BAG4: variants seen among roughly 807,000 people sequenced by gnomAD.
BAG4 encodes the protein BAG family molecular chaperone regulator 4.
In BAG4, 28 loss-of-function variants were observed where a neutral mutation model predicts 52.1. The ratio of observed to expected loss-of-function variants is 0.54; its 90% CI spans 0.40 to 0.74. BAG4 has a LOEUF of 0.74. Ranked by LOEUF, BAG4 falls within the 30% of genes least tolerant of loss-of-function variation. The pLI is 0.00. For synonymous variants in BAG4, 208 were observed against 217.0 expected, an observed-to-expected ratio of 0.96 and a Z score of 0.37; for missense variants, 525 against 572.0, an observed-to-expected ratio of 0.92 and a Z score of 0.84.
intron 2 of BAG4, among the ~76,000 whole-genome samples, chr8:38,203,281 A>T (rs1803711951): frequency 1.6e-5 from 2 of 123,502 alleles, no homozygotes; most frequent in African/African-American, 6.0e-5. Flanking sequence ...GTCTTGAGGA[A>T]TTTTTTTTTT....
intron 1 of BAG4, among the ~76,000 whole-genome samples, chr8:38,190,189 C>G (rs997282076): frequency 5.3e-5 from 8 of 152,126 alleles, no homozygotes; most frequent in African/African-American, 1.9e-4. Context: ...TTTCCTTGTC[C>G]TCGTGACAAT....
In BAG4 at chr8:38,207,893, T is replaced by C. The variant is rs1048402448; in HGVS notation, c.633+127T>C. Reference sequence around the variant, plus strand: ...TTCTAGATTGGGAAGGCTTTTATATTGATGCCTTTCTTATTTGTGGCAGCT... The same window carrying C: ...TTCTAGATTGGGAAGGCTTTTATATCGATGCCTTTCTTATTTGTGGCAGCT... On this transcript the variant is annotated intron_variant, in intron 3 of 4. Coordinates refer to ENST00000287322, the MANE Select transcript of BAG4 (RefSeq NM_004874.4). 1.1e-5 allele frequency: 13 copies of C among 1,166,066 alleles called. No homozygotes were observed. In the East Asian group the frequency reaches 2.6e-4, roughly 23 times the overall value. 72.2% of individuals were successfully genotyped at this position (1,166,066 alleles called of 1,614,324 possible). A position where few individuals can be genotyped will look rare whatever the true frequency, so the allele number is the denominator to read the frequency against.
At chr8:38,188,677 GTATACATATATACATGTATACATATA>G (rs1364137562) in intron 1 of BAG4, among the ~76,000 whole-genome samples, 15 of 141,760 alleles carry the variant, frequency 1.1e-4, no homozygotes, top group Non-Finnish European at 2.1e-4. Flanking sequence ...ACATATACAT[GTATACATATATACATGTATACATATA>G]TATGTATATA....
chr8:38,208,151 AT>A (rs1487977221), intron 3 of BAG4, among the ~76,000 whole-genome samples: 1 of 144,116 alleles, frequency 6.9e-6, no homozygotes, highest in East Asian at 2.1e-4. Flanking sequence ...TCATTTTTGT[AT>A]TTTTAGTAGA....
intron 1 of BAG4, among the ~76,000 whole-genome samples, chr8:38,178,627 A>C (rs1349687051): frequency 6.6e-6 from 1 of 152,242 alleles, no homozygotes; most frequent in Non-Finnish European, 1.5e-5. Context: ...TGGCCTTAGA[A>C]AGGAATGAAC....
In BAG4 at chr8:38,176,867, C is replaced by G; in HGVS notation, c.-3C>G. ...CGGGAAGCGCTTCAGGGCAGCGGATCCCATGTCGGCCCTGAGGCGCTCGGG... is the reference window on the plus strand; with the variant it reads ...CGGGAAGCGCTTCAGGGCAGCGGATGCCATGTCGGCCCTGAGGCGCTCGGG... On this transcript the variant is annotated 5_prime_UTR_variant, in exon 1 of 5. The change creates a new upstream start codon in the 5' untranslated region. Transcript: ENST00000287322. 1.3e-6 allele frequency: 2 copies of G among 1,504,146 alleles called. No individual in the cohort carries two copies. The highest frequency in any genetic ancestry group is 1.8e-6 in the Non-Finnish European group (2 of 1,124,580). 93.2% of individuals were successfully genotyped at this position (1,504,146 alleles called of 1,614,324 possible). A position where few individuals can be genotyped will look rare whatever the true frequency, so the allele number is the denominator to read the frequency against.
At chr8:38,181,010 G>C (rs1381283274) in intron 1 of BAG4, among the ~76,000 whole-genome samples, 1 of 149,096 alleles carries the variant, frequency 6.7e-6, no homozygotes, top group Non-Finnish European at 1.5e-5. Flanking sequence ...GCCTGATCTC[G>C]GCTCACCGCA....
intron 2 of BAG4, among the ~76,000 whole-genome samples, chr8:38,206,947 ATTTTT>A (rs11352165): frequency 1.6e-4 from 18 of 111,052 alleles, no homozygotes; most frequent in Non-Finnish European, 3.1e-4. Flanking sequence ...GGCCTAGATA[ATTTTT>A]TTTTTTTTTT....
Position 38,210,320 on chromosome 8 carries a change from G to T in BAG4, c.1201G>T (p.Val401Leu). The T allele has an allele frequency of 6.2e-7, 1 of 1,614,072 alleles. No individual in the cohort carries two copies. The highest frequency in any genetic ancestry group is 8.5e-7 in the Non-Finnish European group (1 of 1,180,026). ...TCTTGAACAAGAAGTAGAAGAATTT[G>T]TAGGAAAAAAGACAGACAAAGCATA... ...QYLEQEVEEF[V>L]GKKTDKAYWL... Residue 401 changes from valine to leucine, a missense_variant, in exon 5 of 5, where the codon GTA becomes TTA. Physicochemically the swap from Val to Leu is conservative, Grantham distance 32. Transcript: ENST00000287322.
intron 1 of BAG4, among the ~76,000 whole-genome samples, chr8:38,192,447 T>C (rs956982651): frequency 1.3e-5 from 2 of 152,172 alleles, no homozygotes; most frequent in East Asian, 3.8e-4. Context: ...TTTTCTTTTA[T>C]TTTTTGTTTT....
At chr8:38,189,179 A>G (rs1803425676) in intron 1 of BAG4, among the ~76,000 whole-genome samples, 1 of 152,014 alleles carries the variant, frequency 6.6e-6, no homozygotes, top group African/African-American at 2.4e-5. Context: ...TCCTGACCTC[A>G]AGTGACCCAC....
In BAG4 at chr8:38,210,493, A is replaced by G; in HGVS notation, c.1374A>G (p.Ter458TrpextTer13). The G allele has an allele frequency of 6.4e-7, 1 of 1,567,604 alleles. No homozygotes were observed. Among genetic ancestry groups the G allele is most frequent in the Admixed American group, 2.1e-5 (1 of 47,574 alleles). Residue 458 changes from the stop codon to tryptophan (W), a stop_lost, in exon 5 of 5, where the codon TGA becomes TGG. Coordinates refer to ENST00000287322, the MANE Select transcript of BAG4 (RefSeq NM_004874.4). Reference sequence around the variant, plus strand: ...AAAAATTAGAAAAAAAAGGATTATGAAAGGATTTAGAACAAAGTGGAAGCC... The same window carrying G: ...AAAAATTAGAAAAAAAAGGATTATGGAAGGATTTAGAACAAAGTGGAAGCC... Reference protein sequence around the residue: ...ILEKLEKKGL* With the variant: ...ILEKLEKKGLW
intron 1 of BAG4, among the ~76,000 whole-genome samples, chr8:38,186,032 C>A (rs940733035): frequency 1.3e-5 from 2 of 152,144 alleles, no homozygotes; most frequent in Admixed American, 1.3e-4. Flanking sequence ...TGTATTCCAC[C>A]TCATAGCCTC....
intron 2 of BAG4, among the ~76,000 whole-genome samples, chr8:38,205,264 G>A (rs1235230146): frequency 9.0e-6 from 1 of 111,396 alleles, no homozygotes; most frequent in Admixed American, 1.4e-4. Context: ...TGCACAGGCT[G>A]TTCTCAGACT....
intron 1 of BAG4, among the ~76,000 whole-genome samples, chr8:38,179,778 T>A (rs143295559): frequency 6.7e-6 from 1 of 150,144 alleles, no homozygotes. Flanking sequence ...AAAAAAAAAA[T>A]AAAGAAAGAA....
chr8:38,200,843 T>C (rs10216482), intron 2 of BAG4, among the ~76,000 whole-genome samples: 36,719 of 151,724 alleles, frequency 0.24, 4,597 homozygotes, highest in East Asian at 0.31. Context: ...GGTGATCCGC[T>C]TGCCTTGGCC....
chr8:38,176,904 G>T lies in BAG4; in HGVS notation c.35G>T (p.Ser12Ile). The change falls in exon 1 of 5, where the codon AGT becomes ATT. Residue 12 changes from serine (S) to isoleucine (I), a missense_variant. Coordinates refer to ENST00000287322, the MANE Select transcript of BAG4 (RefSeq NM_004874.4). The stretch of plus-strand genomic sequence containing the variant: ...CTGAGGCGCTCGGGCTACGGCCCCA[G>T]TGACGGTCCGTCCTACGGCCGCTAC... ...SALRRSGYGP[S>I]DGPSYGRYYG... 6.5e-7 allele frequency: 1 copy of T among 1,547,650 alleles called. No homozygotes were observed. The highest frequency in any genetic ancestry group is 8.7e-7 in the Non-Finnish European group (1 of 1,146,108).
In BAG4 at chr8:38,205,867, G is replaced by A. The variant is rs138194376; in HGVS notation, c.379-1645G>A. 4.6e-5 allele frequency among the ~76,000 whole-genome samples: 7 copies of A among 151,768 alleles called. No individual in the cohort carries two copies. The East Asian group carries it at 1.2e-3, about 25-fold the overall frequency. On this transcript the variant is annotated intron_variant, in intron 2 of 4. Transcript: ENST00000287322. ...GGTAAAGTAGAAATTAATAGAACAC[G>A]TTGAGGTGATCATTTAAATTTAGCA...
chr8:38,207,388 C>CA, intron 2 of BAG4, 124 bp from the exon 3 acceptor site: 1 of 1,078,464 alleles, frequency 9.3e-7, no homozygotes, highest in South Asian at 1.6e-5. Flanking sequence ...AGGCATGAGC[C>CA]ACTGTGCCTG....
Sources: gnomAD v4.1 joint callset for allele counts (sites outside exome capture counted in the v4.1 genomes callset) on GRCh38, gnomAD v4.1.1 for gene constraint, MANE v1.5 for transcripts, NCBI Gene and HGNC (gene_info 2026-07-23, HGNC 2026-07-21) for gene names.